The following DYNC2I1 variants were observed in gnomAD, a reference collection of about 807,000 sequenced individuals.
DYNC2I1 encodes the protein cytoplasmic dynein 2 intermediate chain 1.
In DYNC2I1, 89 loss-of-function variants were observed where a neutral mutation model predicts 133.4. That is an observed-to-expected ratio of 0.67 (90% CI 0.56 to 0.80). The LOEUF (loss-of-function observed/expected upper bound fraction) is 0.80, where lower values mean the gene tolerates loss of function less well. DYNC2I1 is among the 30% of genes least tolerant of loss of function. DYNC2I1 has a pLI of 0.00. For missense variants in DYNC2I1, 1,291 were observed against 1,314.5 expected (o/e 0.98, Z 0.28); for synonymous variants, 504 against 484.3 (o/e 1.04, Z -0.54).
intron 14 of DYNC2I1, among the ~76,000 whole-genome samples, chr7:158,918,352 C>T (rs1174619307): frequency 1.3e-5 from 2 of 152,202 alleles, no homozygotes; most frequent in South Asian, 2.1e-4. Flanking sequence ...GGAACAATGA[C>T]AGTGTTTTAC....
In DYNC2I1 at chr7:158,902,918, T is replaced by G. The variant is rs1452482096; in HGVS notation, c.1357+323T>G. On this transcript the variant is annotated intron_variant, in intron 10 of 24. Coordinates refer to ENST00000407559, the MANE Select transcript of DYNC2I1 (RefSeq NM_018051.5). ...GTTCTCCAGAGGGAGCTGAGGATGC[T>G]GTGGCCCTCCTCAGTGGGAGCTGAG... 2.2e-5 allele frequency: 6 copies of G among 268,452 alleles called. No individual in the cohort carries two copies. The East Asian group carries it at 4.4e-4, about 20-fold the overall frequency. 16.6% of individuals were successfully genotyped at this position (268,452 alleles called of 1,614,324 possible).
chr7:158,942,021 G>T lies in DYNC2I1; in HGVS notation c.2875G>T (p.Gly959Cys). 1 of 1,613,416 alleles carries T rather than the reference G, an allele frequency of 6.2e-7. No individual in the cohort carries two copies. Among genetic ancestry groups the T allele is most frequent in the Non-Finnish European group, 8.5e-7 (1 of 1,179,778 alleles). ...DSSTDSHAVT[G>C]LQWSPTRPAV... ...CAGCACGGACAGCCATGCGGTCACC[G>T]GCCTGCAGTGGTCCCCAACCAGGCC... Residue 959 changes from glycine to cysteine, a missense_variant, in exon 24 of 25, where the codon GGC becomes TGC. Transcript: ENST00000407559.
At chr7:158,872,742 A>G in intron 3 of DYNC2I1, among the ~76,000 whole-genome samples, 1 of 151,974 alleles carries the variant, frequency 6.6e-6, no homozygotes, top group Non-Finnish European at 1.5e-5. Context: ...CATGCCTGTA[A>G]TCCTAGCACT....
chr7:158,864,611 G>A (rs1008006658), intron 1 of DYNC2I1, among the ~76,000 whole-genome samples: 3 of 152,068 alleles, frequency 2.0e-5, no homozygotes, highest in African/African-American at 7.2e-5. Context: ...CTGGGCTCAA[G>A]TGAGCCTCCT....
intron 9 of DYNC2I1, 89 bp from the exon 10 acceptor site, chr7:158,902,287 G>A (rs889366744): frequency 2.1e-5 from 22 of 1,068,424 alleles, no homozygotes; most frequent in Admixed American, 5.0e-5. Context: ...TCTGTTTTAA[G>A]TTATAAAGTG....
At chr7:158,919,626 G>C (rs1406846210) in intron 15 of DYNC2I1, among the ~76,000 whole-genome samples, 1 of 152,228 alleles carries the variant, frequency 6.6e-6, no homozygotes, top group Non-Finnish European at 1.5e-5. Flanking sequence ...TGTGAGACCA[G>C]AGCAGTTGGT....
the DYNC2I1 span, among the ~76,000 whole-genome samples, chr7:158,848,445 A>G: frequency 1.1e-4 from 16 of 152,332 alleles, no homozygotes; most frequent in East Asian, 2.5e-3. Flanking sequence ...GTCCCCCATG[A>G]GTCTTACTGA....
At chr7:158,839,449 G>A in the DYNC2I1 span, among the ~76,000 whole-genome samples, 4 of 149,416 alleles carry the variant, frequency 2.7e-5, no homozygotes, top group African/African-American at 4.9e-5. Flanking sequence ...GGATGCTAAT[G>A]TGACTCCGTA....
chr7:158,869,791 C>A, intron 1 of DYNC2I1, 64 bp from the exon 2 acceptor site: 1 of 1,277,214 alleles, frequency 7.8e-7, no homozygotes, highest in South Asian at 1.4e-5. Context: ...AATGAAAAAG[C>A]AGCTCACTAC....
At chr7:158,852,742 AAAAAT>A (rs908376406), upstream of DYNC2I1, among the ~76,000 whole-genome samples, 1 of 152,212 alleles carries the variant, frequency 6.6e-6, no homozygotes, top group Non-Finnish European at 1.5e-5. Context: ...TTCGTCTCAA[AAAAAT>A]AAAAATAAAA....
At chr7:158,866,323 CCTT>C (rs1435657507) in intron 1 of DYNC2I1, among the ~76,000 whole-genome samples, 4 of 151,492 alleles carry the variant, frequency 2.6e-5, no homozygotes, top group African/African-American at 7.3e-5. Context: ...CCTGGGCATC[CCTT>C]CTTTGTGGTG....
At chr7:158,926,119 G>C (rs1459087022) in intron 17 of DYNC2I1, 68 bp from the exon 18 acceptor site, 2 of 1,243,576 alleles carry the variant, frequency 1.6e-6, no homozygotes, top group African/African-American at 1.5e-5. Context: ...GTTTGTCCCT[G>C]TGTGATGCGA....
intron 5 of DYNC2I1, among the ~76,000 whole-genome samples, chr7:158,881,355 ACTCCC>A (rs1843994986): frequency 6.6e-6 from 1 of 151,856 alleles, no homozygotes; most frequent in South Asian, 2.1e-4. Flanking sequence ...GAAAGCCTGG[ACTCCC>A]CTCTAGTCAG....
chr7:158,873,174 C>G (rs1004688481), intron 3 of DYNC2I1, among the ~76,000 whole-genome samples: 1 of 152,066 alleles, frequency 6.6e-6, no homozygotes, highest in Admixed American at 6.6e-5. Flanking sequence ...GGTAAAGGTA[C>G]ATACTTTTTT....
intron 11 of DYNC2I1, among the ~76,000 whole-genome samples, chr7:158,906,395 G>C (rs1846817764): frequency 6.6e-6 from 1 of 152,128 alleles, no homozygotes; most frequent in Admixed American, 6.5e-5. Context: ...ATATTTTAAA[G>C]TCAAGGGTCT....
chr7:158,877,805 T>A (rs949040697), intron 4 of DYNC2I1, among the ~76,000 whole-genome samples: 1 of 152,214 alleles, frequency 6.6e-6, no homozygotes, highest in Non-Finnish European at 1.5e-5. Context: ...AGACTCTCCA[T>A]CTGCGTGGGA....
At chr7:158,854,803 T>G (rs991711706), upstream of DYNC2I1, among the ~76,000 whole-genome samples, 1 of 152,258 alleles carries the variant, frequency 6.6e-6, no homozygotes, top group Non-Finnish European at 1.5e-5. Context: ...TTCTCAGTTC[T>G]AATTCTTGCA....
At chr7:158,930,568 TA>T in intron 21 of DYNC2I1, 53 bp downstream of exon 21, 1 of 1,494,516 alleles carries the variant, frequency 6.7e-7, no homozygotes. Context: ...AGAAGGAAAA[TA>T]ACATTGGGGA....
chr7:158,924,168 C>T (rs1260541456), intron 17 of DYNC2I1, among the ~76,000 whole-genome samples: 1 of 152,238 alleles, frequency 6.6e-6, no homozygotes, highest in Non-Finnish European at 1.5e-5. Flanking sequence ...GCCCAGCCAC[C>T]ACAGTAGGCA....
Sources: gnomAD v4.1 joint callset for allele counts (sites outside exome capture counted in the v4.1 genomes callset) on GRCh38, gnomAD v4.1.1 for gene constraint, MANE v1.5 for transcripts, NCBI Gene and HGNC (gene_info 2026-07-23, HGNC 2026-07-21) for gene names.